Variants in MGMT observed in about 807,000 individuals in gnomAD.
MGMT encodes the protein methylated-DNA--protein-cysteine methyltransferase.
In MGMT, 14 loss-of-function variants were observed where a neutral mutation model predicts 15.9. The observed-to-expected ratio is 0.88, with a 90% CI of 0.58 to 1.37. The LOEUF is 1.37. Among genes scored for constraint, MGMT ranks in the 40% most tolerant of loss-of-function variants. The probability of loss-of-function intolerance (pLI) is 0.00; values close to 1 mark genes in which losing one functional copy is unlikely to be tolerated. For missense variants in MGMT, 282 were observed against 268.1 expected, an observed-to-expected ratio of 1.05 and a Z score of -0.36; for synonymous variants, 130 against 118.2, an observed-to-expected ratio of 1.10 and a Z score of -0.65.
At chr10:129,699,835 A>G (rs1460954659) in intron 2 of MGMT, among the ~76,000 whole-genome samples, 1 of 152,092 alleles carries the variant, frequency 6.6e-6, no homozygotes, top group Non-Finnish European at 1.5e-5. Context: ...TCCCTGTCTT[A>G]TATGATGTCC....
chr10:129,531,080 C>T (rs1169765767), intron 1 of MGMT, among the ~76,000 whole-genome samples: 6 of 152,304 alleles, frequency 3.9e-5, no homozygotes, highest in South Asian at 2.1e-4. Context: ...CTTCATCTTC[C>T]GTGGGCCAGT....
chr10:129,750,687 A>G (rs1183178618), intron 3 of MGMT, among the ~76,000 whole-genome samples: 1 of 152,116 alleles, frequency 6.6e-6, no homozygotes, highest in African/African-American at 2.4e-5. Flanking sequence ...ATGCCATTTT[A>G]TATCAGGAAC....
chr10:129,703,352 C>T (rs1162696854), intron 2 of MGMT, among the ~76,000 whole-genome samples: 2 of 152,196 alleles, frequency 1.3e-5, no homozygotes, highest in African/African-American at 2.4e-5. Flanking sequence ...AGGACGCCCG[C>T]GTGGGCAGAG....
intron 3 of MGMT, among the ~76,000 whole-genome samples, chr10:129,723,110 G>A (rs80004413): frequency 6.7e-6 from 1 of 148,916 alleles, no homozygotes; most frequent in Non-Finnish European, 1.5e-5. Context: ...TTAATGGTTA[G>A]AAATTTGTTC....
At chr10:129,708,068 G>A in intron 3 of MGMT, 25 bp downstream of exon 3, 1 of 1,599,812 alleles carries the variant, frequency 6.3e-7, no homozygotes, top group Non-Finnish European at 8.5e-7. Flanking sequence ...CATCTGCGGT[G>A]TTTCCTTTGG....
At chr10:129,606,844 C>A (rs571973066) in intron 2 of MGMT, among the ~76,000 whole-genome samples, 1 of 152,142 alleles carries the variant, frequency 6.6e-6, no homozygotes, top group Non-Finnish European at 1.5e-5. Flanking sequence ...TGAAATGATT[C>A]CTCATCTCAA....
intron 3 of MGMT, among the ~76,000 whole-genome samples, chr10:129,731,675 T>A (rs1178332333): frequency 6.6e-6 from 1 of 152,192 alleles, no homozygotes; most frequent in Non-Finnish European, 1.5e-5. Context: ...ATTACAGGCC[T>A]GAGCCACCAC....
intron 2 of MGMT, among the ~76,000 whole-genome samples, chr10:129,680,236 A>C (rs1248985576): frequency 6.6e-6 from 1 of 152,172 alleles, no homozygotes; most frequent in Non-Finnish European, 1.5e-5. Context: ...GAATTGTACA[A>C]GCTGAGGAAA....
chr10:129,662,584 G>A (rs775625526), intron 2 of MGMT, among the ~76,000 whole-genome samples: 4 of 152,152 alleles, frequency 2.6e-5, no homozygotes, highest in Middle Eastern at 3.2e-3. Context: ...AGGACAAAGC[G>A]GAAGCTGTGT....
At chr10:129,470,992 A>G (rs1845224164) in intron 1 of MGMT, among the ~76,000 whole-genome samples, 1 of 152,168 alleles carries the variant, frequency 6.6e-6, no homozygotes, top group African/African-American at 2.4e-5. Flanking sequence ...TGGTAGAATA[A>G]TTTCCTACCT....
chr10:129,709,977 C>G lies in MGMT; in HGVS notation c.274+1934C>G, dbSNP rs535868441. ...CTGCAAGCACTGAACCCCCGCTGAG[C>G]CTTTTCCCCCTCACTTCTGCCCATG... On this transcript the variant is annotated intron_variant, in intron 3 of 4. Transcript: ENST00000651593. 3.3e-5 allele frequency among the ~76,000 whole-genome samples: 5 copies of G among 152,346 alleles called. No homozygotes were observed. In the East Asian group the frequency reaches 7.7e-4, roughly 24 times the overall value.
chr10:129,634,516 T>TCTTC (rs1431390161), intron 2 of MGMT, among the ~76,000 whole-genome samples: 4 of 152,130 alleles, frequency 2.6e-5, no homozygotes, highest in African/African-American at 9.6e-5. Context: ...TTCCTTCCTT[T>TCTTC]CTTCCTTCCT....
chr10:129,743,379 C>T (rs1390607501), intron 3 of MGMT, among the ~76,000 whole-genome samples: 2 of 152,342 alleles, frequency 1.3e-5, no homozygotes, highest in Admixed American at 1.3e-4. Flanking sequence ...TTTCAGGAGA[C>T]AGAGATGTCC....
At chr10:129,637,675 G>C (rs892487716) in intron 2 of MGMT, among the ~76,000 whole-genome samples, 2 of 152,120 alleles carry the variant, frequency 1.3e-5, no homozygotes, top group African/African-American at 4.8e-5. Flanking sequence ...GGTACTTAAA[G>C]TTAAATTGGG....
intron 2 of MGMT, among the ~76,000 whole-genome samples, chr10:129,614,977 T>C (rs1349020939): frequency 6.6e-6 from 1 of 152,164 alleles, no homozygotes; most frequent in African/African-American, 2.4e-5. Context: ...TTGTTTTTTG[T>C]TTTTCCTATC....
chr10:129,532,382 C>T lies in MGMT; in HGVS notation c.-12-3859C>T, dbSNP rs928650940. On this transcript the variant is annotated intron_variant, in intron 1 of 4. Coordinates refer to ENST00000651593, the MANE Select transcript of MGMT (RefSeq NM_002412.5). This position sits in a 1 kb window ranked among gnomAD's most constrained non-coding sequence, Gnocchi z 5.3. ...AGGTTTGGCTGGAAGCCTTCTCCAC[C>T]GCATTCCCAACCGCTGGCCTCCCAA... 2.6e-5 allele frequency among the ~76,000 whole-genome samples: 4 copies of T among 152,194 alleles called. No individual in the cohort carries two copies. Among genetic ancestry groups the T allele is most frequent in the South Asian group, 2.1e-4 (1 of 4,834 alleles).
chr10:129,604,745 C>G (rs1482582984), intron 2 of MGMT, among the ~76,000 whole-genome samples: 1 of 144,108 alleles, frequency 6.9e-6, no homozygotes, highest in Non-Finnish European at 1.5e-5. Flanking sequence ...CCACCCCCTC[C>G]CCCCGGCTTT....
At chr10:129,752,307 C>T (rs183234208) in intron 3 of MGMT, among the ~76,000 whole-genome samples, 139 of 151,526 alleles carry the variant, frequency 9.2e-4, no homozygotes, top group African/African-American at 3.2e-3. Flanking sequence ...TTTTTTTTTA[C>T]ATTTGTGTTT....
chr10:129,698,509 C>T (rs1000276753), intron 2 of MGMT, among the ~76,000 whole-genome samples: 1 of 152,198 alleles, frequency 6.6e-6, no homozygotes, highest in Non-Finnish European at 1.5e-5. Context: ...GATATACAAG[C>T]ACTTTATTTC....
Sources: allele counts gnomAD v4.1 joint callset (sites outside exome capture counted in the v4.1 genomes callset), GRCh38; gene constraint gnomAD v4.1.1; non-coding constraint Gnocchi (gnomAD v3.1); transcripts MANE v1.5; gene names NCBI Gene and HGNC (gene_info 2026-07-23, HGNC 2026-07-21).